TEX15: variants seen among roughly 807,000 people sequenced by gnomAD.
TEX15 encodes testis-expressed protein 15.
In TEX15, 171 loss-of-function variants were observed where a neutral mutation model predicts 237.3. The ratio of observed to expected loss-of-function variants is 0.72; its 90% CI spans 0.64 to 0.82. The LOEUF (loss-of-function observed/expected upper bound fraction) is 0.82, where lower values mean the gene tolerates loss of function less well. TEX15 is among the 40% of genes least tolerant of loss of function. The pLI, the probability that TEX15 is intolerant of heterozygous loss-of-function variation, is 0.00. For missense variants in TEX15, 3,750 were observed against 3,646.5 expected, an observed-to-expected ratio of 1.03 and a Z score of -0.73; for synonymous variants, 1,338 against 1,269.8, an observed-to-expected ratio of 1.05 and a Z score of -1.14.
At chr8:30,884,373 C>T (rs983506429) in intron 3 of TEX15, among the ~76,000 whole-genome samples, 3 of 152,128 alleles carry the variant, frequency 2.0e-5, no homozygotes, top group Non-Finnish European at 4.4e-5. Context: ...AATATTCCTT[C>T]TACTTGTATC....
Position 30,843,296 on chromosome 8 carries a change from A to T in TEX15, c.6871T>A (p.Tyr2291Asn), listed in dbSNP as rs1563233218. Residue 2291 changes from tyrosine (Y) to asparagine (N), a missense_variant, in exon 8 of 11, where the codon TAC becomes AAC. Coordinates refer to ENST00000643185, the MANE Select transcript of TEX15 (RefSeq NM_001350162.2). ...CTTTCTTCGTCCTTCTTTTGTGAGT[A>T]TTTTTTGCTGAAGGATTGTGTTCTC... ...KERTQSFSKK[Y>N]SQKKDEERLL... 1 of 1,611,336 alleles carries T rather than the reference A, an allele frequency of 6.2e-7. No individual in the cohort carries two copies. The highest frequency in any genetic ancestry group is 8.5e-7 in the Non-Finnish European group (1 of 1,179,146).
chr8:30,908,890 AG>A (rs373076536), intron 1 of TEX15, among the ~76,000 whole-genome samples: 4 of 152,320 alleles, frequency 2.6e-5, no homozygotes, highest in African/African-American at 9.6e-5. Flanking sequence ...ATGTATCCTA[AG>A]AACCCTCTAG....
chr8:30,841,945 T>C, intron 8 of TEX15, 59 bp downstream of exon 8: 1 of 1,237,032 alleles, frequency 8.1e-7, no homozygotes, highest in East Asian at 2.4e-5. Context: ...TGTTTGCTTA[T>C]GAGTAGACTT....
At position 30,846,463 on chromosome 8, in the gene TEX15, G is replaced by C. The variant is rs750641785; in HGVS notation, c.3704C>G (p.Ser1235Cys). 1 of 1,613,164 alleles carries C rather than the reference G, an allele frequency of 6.2e-7. No individual in the cohort carries two copies. Among genetic ancestry groups the C allele is most frequent in the Admixed American group, 1.7e-5 (1 of 59,990 alleles). ...IRQESGPVSNSEISLSFDLSR... is the reference protein window; with the variant it reads ...IRQESGPVSNCEISLSFDLSR... ...CAAGTCAAAAGAAAGGGAGATTTCA[G>C]AGTTACTCACTGGCCCTGATTCTTG... Residue 1235 changes from serine to cysteine, a missense_variant, in exon 8 of 11, where the codon TCT becomes TGT. Transcript: ENST00000643185.
At chr8:30,873,617 C>G (rs1808340560) in intron 4 of TEX15, among the ~76,000 whole-genome samples, 1 of 152,120 alleles carries the variant, frequency 6.6e-6, no homozygotes, top group South Asian at 2.1e-4. Context: ...TACAAGTACC[C>G]CTTTCCCAGT....
intron 1 of TEX15, among the ~76,000 whole-genome samples, chr8:30,904,741 CTA>C (rs1809066128): frequency 6.6e-6 from 1 of 152,156 alleles, no homozygotes; most frequent in Non-Finnish European, 1.5e-5. Flanking sequence ...AAACATTAAA[CTA>C]TCTTTCTGTG....
chr8:30,854,088 C>T (rs1807848101), intron 7 of TEX15, among the ~76,000 whole-genome samples: 1 of 151,254 alleles, frequency 6.6e-6, no homozygotes, highest in Non-Finnish European at 1.5e-5. Flanking sequence ...CATCTTAAGA[C>T]ACACACACAC....
intron 9 of TEX15, among the ~76,000 whole-genome samples, chr8:30,838,773 C>CATATATATATATAT (rs34610592): frequency 1.5e-5 from 1 of 65,460 alleles, no homozygotes; most frequent in Non-Finnish European, 3.2e-5. Context: ...TATATAAAAA[C>CATATATATATATAT]ATATATATAT....
chr8:30,908,475 T>C (rs1323883201), intron 1 of TEX15, among the ~76,000 whole-genome samples: 1 of 151,906 alleles, frequency 6.6e-6, no homozygotes, highest in Non-Finnish European at 1.5e-5. Context: ...ATACAATTCA[T>C]TTTTTTTGCT....
chr8:30,859,797 A>G, intron 6 of TEX15, 114 bp downstream of exon 6: 2 of 794,218 alleles, frequency 2.5e-6, no homozygotes, highest in Non-Finnish European at 3.5e-6. Context: ...TTTGCTTAAG[A>G]TATTATATTG....
chr8:30,890,877 A>C (rs1254406706), intron 2 of TEX15, among the ~76,000 whole-genome samples: 1 of 152,158 alleles, frequency 6.6e-6, no homozygotes, highest in Non-Finnish European at 1.5e-5. Flanking sequence ...TTTTTCTGTG[A>C]ATCACTTGTT....
At chr8:30,872,336 C>T (rs1201042207) in intron 4 of TEX15, among the ~76,000 whole-genome samples, 2 of 152,094 alleles carry the variant, frequency 1.3e-5, no homozygotes, top group Admixed American at 1.3e-4. Context: ...CTCACAGTGT[C>T]ATAGCATAAT....
intron 4 of TEX15, 119 bp downstream of exon 4, chr8:30,874,818 A>C: frequency 1.7e-6 from 1 of 574,548 alleles, no homozygotes; most frequent in Non-Finnish European, 2.6e-6. Context: ...AACAAAAAAT[A>C]ATCTGTGTTT....
intron 7 of TEX15, among the ~76,000 whole-genome samples, chr8:30,857,179 A>G (rs1159504430): frequency 6.6e-6 from 1 of 152,216 alleles, no homozygotes; most frequent in African/African-American, 2.4e-5. Context: ...GTACTGCAGT[A>G]TACATCAGTG....
chr8:30,862,129 A>G (rs545242428), intron 5 of TEX15, among the ~76,000 whole-genome samples: 1 of 152,204 alleles, frequency 6.6e-6, no homozygotes, highest in East Asian at 1.9e-4. Context: ...AAAAATGTAC[A>G]TACTTTTGAT....
In TEX15 at chr8:30,847,654, T is replaced by C. The variant is rs550736961; in HGVS notation, c.2513A>G (p.Asn838Ser). Reference sequence around the variant, plus strand: ...GCTTAACTGTGAATTACAGAACAGATTGTGATCCTGACCCCTATCTTCAAC... The same window carrying C: ...GCTTAACTGTGAATTACAGAACAGACTGTGATCCTGACCCCTATCTTCAAC... ...AYVEDRGQDHNLFCNSQLSND... is the reference protein window; with the variant it reads ...AYVEDRGQDHSLFCNSQLSND... The change falls in exon 8 of 11, where the codon AAT (asparagine) becomes AGT (serine). Residue 838 changes from asparagine to serine, a missense_variant. Transcript: ENST00000643185. The C allele has an allele frequency of 2.5e-5, 40 of 1,613,744 alleles. No individual in the cohort carries two copies. Among genetic ancestry groups the C allele is most frequent in the Admixed American group, 3.3e-5 (2 of 59,992 alleles).
intron 1 of TEX15, among the ~76,000 whole-genome samples, chr8:30,910,151 A>G: frequency 6.6e-6 from 1 of 151,706 alleles, no homozygotes; most frequent in East Asian, 1.9e-4. Flanking sequence ...AATCCAGTAC[A>G]GTATATCATC....
chr8:30,858,844 A>C lies in TEX15; in HGVS notation c.688-14T>G. ...ATAGAAGTACACCTGAAAGATGAAA[A>C]CAGGTTCATGCTGATTAATTTTGGC... is the stretch of plus-strand genomic sequence containing the variant. On this transcript the variant is annotated splice_polypyrimidine_tract_variant and intron_variant, in intron 6 of 10. Coordinates refer to ENST00000643185, the MANE Select transcript of TEX15 (RefSeq NM_001350162.2). 1 of 1,516,070 alleles carries C rather than the reference A, an allele frequency of 6.6e-7. No homozygotes were observed. Among genetic ancestry groups the C allele is most frequent in the Non-Finnish European group, 8.8e-7 (1 of 1,139,898 alleles). 93.9% of individuals were successfully genotyped at this position (1,516,070 alleles called of 1,614,324 possible).
chr8:30,839,976 A>T lies in TEX15; in HGVS notation c.8164-12T>A. On this transcript the variant is annotated splice_polypyrimidine_tract_variant and intron_variant, in intron 8 of 10. Transcript: ENST00000643185. ...TCTTTCATGTCTACCTGTGTTTAAAAGATACAAAGAAAATCTTCATTAGTG... is the reference window on the plus strand; with the variant it reads ...TCTTTCATGTCTACCTGTGTTTAAATGATACAAAGAAAATCTTCATTAGTG... The T allele has an allele frequency of 6.5e-7, 1 of 1,548,894 alleles. No individual in the cohort carries two copies. Among genetic ancestry groups the T allele is most frequent in the Non-Finnish European group, 8.7e-7 (1 of 1,143,560 alleles).
Sources: gnomAD v4.1 joint callset for allele counts (sites outside exome capture counted in the v4.1 genomes callset) on GRCh38, gnomAD v4.1.1 for gene constraint, MANE v1.5 for transcripts, NCBI Gene and HGNC (gene_info 2026-07-23, HGNC 2026-07-21) for gene names.